Variants in BLTP1 observed in about 807,000 individuals in gnomAD.
BLTP1 encodes the protein bridge-like lipid transfer protein family member 1.
At chr4:122,236,465 C>T in the BLTP1 span, among the ~76,000 whole-genome samples, 4 of 152,002 alleles carry the variant, frequency 2.6e-5, no homozygotes, top group African/African-American at 4.8e-5. Context: ...TCATTTAATC[C>T]CTAAGCTACC....
At chr4:122,201,687 A>G in the BLTP1 span, among the ~76,000 whole-genome samples, 1 of 152,188 alleles carries the variant, frequency 6.6e-6, no homozygotes, top group Non-Finnish European at 1.5e-5. Context: ...AATAGCATAA[A>G]TATTACTACA....
chr4:122,236,673 A>G, the BLTP1 span: 20 of 735,538 alleles, frequency 2.7e-5, no homozygotes, highest in Middle Eastern at 7.0e-4. Flanking sequence ...AAGATTAACC[A>G]TCACAAACTC....
At chr4:122,269,512 T>G in the BLTP1 span, 1 of 985,308 alleles carries the variant, frequency 1.0e-6, no homozygotes. Flanking sequence ...AACTAACTCA[T>G]GATCAGCTTT....
At chr4:122,186,106 T>C in the BLTP1 span, 514 of 1,612,350 alleles carry the variant, frequency 3.2e-4, 7 homozygotes, top group South Asian at 5.5e-3. Flanking sequence ...ATCGCTCGGA[T>C]CTTTATGGAC....
At chr4:122,319,617 C>G in the BLTP1 span, among the ~76,000 whole-genome samples, 5 of 148,842 alleles carry the variant, frequency 3.4e-5, no homozygotes, top group South Asian at 1.1e-3. Context: ...TCTTGGTGTA[C>G]TGCAACCACC....
chr4:122,210,617 A>T, the BLTP1 span, among the ~76,000 whole-genome samples: 1 of 152,096 alleles, frequency 6.6e-6, no homozygotes, highest in Non-Finnish European at 1.5e-5. Flanking sequence ...ACTCAATAAG[A>T]ATGTTGTTTA....
the BLTP1 span, among the ~76,000 whole-genome samples, chr4:122,296,249 T>A: frequency 6.6e-6 from 1 of 152,078 alleles, no homozygotes; most frequent in African/African-American, 2.4e-5. Flanking sequence ...GTGCAAAAAT[T>A]GCTAGCATTC....
At chr4:122,219,664 A>G in the BLTP1 span, 1 of 803,336 alleles carries the variant, frequency 1.2e-6, no homozygotes, top group Non-Finnish European at 2.0e-6. Flanking sequence ...AAAGAAAATC[A>G]GATTTAGAAA....
chr4:122,254,691 AAAG>A, the BLTP1 span: 2 of 1,242,304 alleles, frequency 1.6e-6, no homozygotes, highest in Non-Finnish European at 2.1e-6. Context: ...CTCAAAAAGA[AAAG>A]AAATTAATTT....
the BLTP1 span, chr4:122,281,496 C>T: frequency 2.0e-6 from 3 of 1,519,568 alleles, no homozygotes; most frequent in African/African-American, 4.2e-5. Flanking sequence ...AATGGTACGT[C>T]CTGTGTTTAT....
the BLTP1 span, chr4:122,343,259 G>T: frequency 1.0e-6 from 1 of 1,001,834 alleles, no homozygotes; most frequent in Non-Finnish European, 1.4e-6. Context: ...TCAGTTTTAA[G>T]GATTTAAATC....
At chr4:122,244,031 T>G in the BLTP1 span, 10,694 of 1,574,112 alleles carry the variant, frequency 6.8e-3, 641 homozygotes, top group African/African-American at 0.13. Flanking sequence ...TAGACAGGTA[T>G]TGATTTTGTC....
the BLTP1 span, chr4:122,274,308 C>G: frequency 9.1e-7 from 1 of 1,102,820 alleles, no homozygotes; most frequent in East Asian, 2.4e-5. Flanking sequence ...ATCTTATATC[C>G]AGAATTCAAA....
At chr4:122,159,627 G>GT in the BLTP1 span, among the ~76,000 whole-genome samples, 1 of 152,052 alleles carries the variant, frequency 6.6e-6, no homozygotes, top group African/African-American at 2.4e-5. Context: ...CTGTTATAAT[G>GT]TTTTTTGTCA....
At chr4:122,308,365 CTT>C in the BLTP1 span, among the ~76,000 whole-genome samples, 1 of 151,982 alleles carries the variant, frequency 6.6e-6, no homozygotes, top group Non-Finnish European at 1.5e-5. Context: ...CTGAAGCACT[CTT>C]ATATGCTTCA....
chr4:122,217,072 A>G, the BLTP1 span, among the ~76,000 whole-genome samples: 1 of 151,838 alleles, frequency 6.6e-6, no homozygotes, highest in African/African-American at 2.4e-5. Context: ...TTGTGTATAA[A>G]CCATCCCTGC....
the BLTP1 span, among the ~76,000 whole-genome samples, chr4:122,220,774 A>G: frequency 6.6e-6 from 1 of 152,196 alleles, no homozygotes; most frequent in African/African-American, 2.4e-5. Flanking sequence ...AATTAACTAT[A>G]TAAAATGTTG....
At chr4:122,258,108 G>A in the BLTP1 span, among the ~76,000 whole-genome samples, 4 of 152,004 alleles carry the variant, frequency 2.6e-5, no homozygotes, top group Non-Finnish European at 5.9e-5. Flanking sequence ...TAAAGATAGT[G>A]GATATACATT....
the BLTP1 span, among the ~76,000 whole-genome samples, chr4:122,222,136 G>A: frequency 1.3e-5 from 2 of 152,082 alleles, no homozygotes; most frequent in African/African-American, 4.8e-5. Context: ...GAAGACAAAG[G>A]TACCATATAT....
Sources: gnomAD v4.1 joint callset for allele counts (sites outside exome capture counted in the v4.1 genomes callset) on GRCh38, gnomAD v4.1.1 for gene constraint, MANE v1.5 for transcripts, NCBI Gene and HGNC (gene_info 2026-07-23, HGNC 2026-07-21) for gene names.